The following GPA33 variants were observed in gnomAD, a reference collection of about 807,000 sequenced individuals.
GPA33 encodes glycoprotein A33, also known as cell surface A33 antigen.
In GPA33, 27 loss-of-function variants were observed where a neutral mutation model predicts 35.6. That is an observed-to-expected ratio of 0.76 (90% CI 0.56 to 1.04). GPA33 has a LOEUF of 1.04. Ranked by LOEUF, GPA33 falls within the 50% of genes least tolerant of loss-of-function variation. The pLI is 0.00. For missense variants in GPA33, 428 were observed against 411.9 expected (o/e 1.04, Z -0.34); for synonymous variants, 176 against 164.0 (o/e 1.07, Z -0.56).
At chr1:167,071,444 C>T (rs995353546) in intron 2 of GPA33, among the ~76,000 whole-genome samples, 1 of 152,172 alleles carries the variant, frequency 6.6e-6, no homozygotes, top group Non-Finnish European at 1.5e-5. Flanking sequence ...GCGCTTTGTG[C>T]AACATTAGAA....
At chr1:167,059,879 C>T (rs1666396385) in intron 4 of GPA33, among the ~76,000 whole-genome samples, 1 of 152,314 alleles carries the variant, frequency 6.6e-6, no homozygotes, top group South Asian at 2.1e-4. Flanking sequence ...GTTCTTTTCA[C>T]TGCTAGCTTG....
intron 1 of GPA33, among the ~76,000 whole-genome samples, chr1:167,074,635 C>G (rs1006106832): frequency 1.3e-5 from 2 of 152,064 alleles, no homozygotes; most frequent in African/African-American, 4.8e-5. Flanking sequence ...CCATGTGGAT[C>G]CCAGTGGTGA....
At chr1:167,059,795 C>T (rs1229136183) in intron 4 of GPA33, among the ~76,000 whole-genome samples, 1 of 152,120 alleles carries the variant, frequency 6.6e-6, no homozygotes, top group East Asian at 1.9e-4. Flanking sequence ...ACTAAGGGTC[C>T]GAGAGGCTGT....
At position 167,055,714 on chromosome 1, in the gene GPA33, C is replaced by T. The variant is rs2274532; in HGVS notation, c.691+16G>A. Reference sequence around the variant, plus strand: ...CTGTGGCGTTTGTCAGCCCTCCCCCCGCAGGCTGCTCTTACGAGATCTGAC... The same window carrying T: ...CTGTGGCGTTTGTCAGCCCTCCCCCTGCAGGCTGCTCTTACGAGATCTGAC... On this transcript the variant is annotated intron_variant, in intron 5 of 6. Transcript: ENST00000367868. 2,999 of 1,613,390 alleles carry T rather than the reference C, an allele frequency of 1.9e-3. 46 individuals are homozygous for T. In the East Asian group the frequency reaches 0.032, roughly 17 times the overall value.
chr1:167,086,971 T>C (rs1667061868), intron 1 of GPA33, among the ~76,000 whole-genome samples: 1 of 152,172 alleles, frequency 6.6e-6, no homozygotes, highest in Admixed American at 6.5e-5. Flanking sequence ...TTTTGTCTCC[T>C]GGAGCTTGCC....
chr1:167,057,864 T>C (rs1018257224), intron 4 of GPA33, among the ~76,000 whole-genome samples: 15 of 152,192 alleles, frequency 9.9e-5, no homozygotes, highest in Non-Finnish European at 1.2e-4. Context: ...AAAAATCCTG[T>C]TTCAGGTCTA....
chr1:167,063,594 G>A lies in GPA33; in HGVS notation c.559C>T (p.Leu187=), dbSNP rs762050223. 8 of 1,607,468 alleles carry A rather than the reference G, an allele frequency of 5.0e-6. No homozygotes were observed. In the African/African-American group the frequency reaches 1.1e-4, roughly 21 times the overall value. Residue 187 remains leucine, a synonymous_variant, in exon 4 of 7, where the codon CTG becomes TTG. Transcript: ENST00000367868. ...RYNILNQEQP[L]AQPASGQPVS... ...ACTGCCCCCTTACCTGGCTGGGCCA[G>A]GGGCTGCTCCTGATTCAGGATGTTG... is the stretch of plus-strand genomic sequence containing the variant.
intron 1 of GPA33, among the ~76,000 whole-genome samples, chr1:167,089,285 T>C (rs1465812682): frequency 1.3e-5 from 2 of 152,134 alleles, no homozygotes; most frequent in Non-Finnish European, 2.9e-5. Flanking sequence ...TGCTAAAAAG[T>C]GAGCTCTAAA....
intron 1 of GPA33, among the ~76,000 whole-genome samples, chr1:167,077,729 G>A (rs61814862): frequency 0.043 from 6,508 of 152,186 alleles, 182 homozygotes; most frequent in African/African-American, 0.055. Flanking sequence ...ACCATCAATG[G>A]ATGAAAAATG....
At chr1:167,054,946 T>C (rs539638930) in intron 6 of GPA33, 30 bp downstream of exon 6, 1 of 1,613,540 alleles carries the variant, frequency 6.2e-7, no homozygotes, top group South Asian at 1.1e-5. Context: ...CCCCAGACCC[T>C]TCCAACAGGC....
At chr1:167,063,544 T>A (rs1197476983) in intron 4 of GPA33, 38 bp downstream of exon 4, 1 of 1,565,890 alleles carries the variant, frequency 6.4e-7, no homozygotes, top group African/African-American at 1.4e-5. Context: ...GTGTTGCACT[T>A]TGACGTGGGG....
At chr1:167,088,072 A>G (rs774971961) in intron 1 of GPA33, among the ~76,000 whole-genome samples, 2 of 152,142 alleles carry the variant, frequency 1.3e-5, no homozygotes, top group Non-Finnish European at 2.9e-5. Context: ...CTTGAGGCCC[A>G]TTCATCAGTG....
At chr1:167,072,111 G>C (rs1666734031) in intron 2 of GPA33, among the ~76,000 whole-genome samples, 1 of 151,544 alleles carries the variant, frequency 6.6e-6, no homozygotes, top group South Asian at 2.1e-4. Flanking sequence ...GTCCCTTGGT[G>C]CGTCTGACCA....
At chr1:167,074,133 A>C (rs959308108) in intron 1 of GPA33, among the ~76,000 whole-genome samples, 1 of 150,840 alleles carries the variant, frequency 6.6e-6, no homozygotes, top group Non-Finnish European at 1.5e-5. Context: ...TAGGAAAAAG[A>C]ATGTGGCCAC....
intron 3 of GPA33, among the ~76,000 whole-genome samples, chr1:167,064,081 G>A (rs1220530948): frequency 6.6e-6 from 1 of 151,976 alleles, no homozygotes; most frequent in Non-Finnish European, 1.5e-5. Flanking sequence ...AGATGAGTTT[G>A]AGACCAGCCT....
At chr1:167,069,274 C>A in intron 2 of GPA33, 136 bp from the exon 3 acceptor site, 1 of 601,106 alleles carries the variant, frequency 1.7e-6, no homozygotes. Flanking sequence ...GAACAAATAG[C>A]TCGCATATGT....
At chr1:167,056,713 T>TG (rs1666287292) in intron 4 of GPA33, among the ~76,000 whole-genome samples, 1 of 6,522 alleles carries the variant, frequency 1.5e-4, no homozygotes. Context: ...GTGTGTAGTG[T>TG]GTGTGTAGTG....
At position 167,063,715 on chromosome 1, in the gene GPA33, G is replaced by T; in HGVS notation, c.438C>A (p.Cys146Ter). The T allele has an allele frequency of 1.2e-6, 2 of 1,613,088 alleles. No individual in the cohort carries two copies. Among genetic ancestry groups the T allele is most frequent in the Non-Finnish European group, 1.7e-6 (2 of 1,179,838 alleles). ...CAATTATGGTCTCTCCCTCGATGCCGCATTCTGGTTTGGAGGGTGGCACTA... is the reference window on the plus strand; with the variant it reads ...CAATTATGGTCTCTCCCTCGATGCCTCATTCTGGTTTGGAGGGTGGCACTA... The part of the protein sequence containing the change: ...LVLVPPSKPE[C>*]GIEGETIIGN... The change falls in exon 4 of 7, where the codon TGC (cysteine) becomes TGA (stop). Residue 146 changes from cysteine (C) to a stop codon, truncating the protein, a stop_gained. Coordinates refer to ENST00000367868, the MANE Select transcript of GPA33 (RefSeq NM_005814.3). LOFTEE classifies it high-confidence loss of function.
chr1:167,061,917 C>A (rs1666460133), intron 4 of GPA33, among the ~76,000 whole-genome samples: 1 of 152,080 alleles, frequency 6.6e-6, no homozygotes, highest in Non-Finnish European at 1.5e-5. Context: ...AGTGATAAAG[C>A]TCTTCCTGGA....
Sources: gnomAD v4.1 joint callset for allele counts (sites outside exome capture counted in the v4.1 genomes callset) on GRCh38, gnomAD v4.1.1 for gene constraint, MANE v1.5 for transcripts, NCBI Gene and HGNC (gene_info 2026-07-23, HGNC 2026-07-21) for gene names.